Variants in DUSP5 observed in about 807,000 individuals in gnomAD.
DUSP5 encodes dual specificity phosphatase 5, also known as dual specificity protein phosphatase 5.
A neutral mutation model predicts 33.6 loss-of-function variants in DUSP5; 22 were observed. The observed-to-expected ratio is 0.66, with a 90% confidence interval of 0.47 to 0.94. DUSP5 has a LOEUF of 0.94. DUSP5 is among the 40% of genes least tolerant of loss of function. The probability of loss-of-function intolerance (pLI) is 0.00; values close to 1 mark genes in which losing one functional copy is unlikely to be tolerated. For synonymous variants in DUSP5, 270 were observed against 231.1 expected (o/e 1.17, Z -1.53); for missense variants, 551 against 522.1 (o/e 1.06, Z -0.54).
intron 2 of DUSP5, among the ~76,000 whole-genome samples, chr10:110,504,642 C>G (rs1860096878): frequency 6.6e-6 from 1 of 152,180 alleles, no homozygotes; most frequent in African/African-American, 2.4e-5. Flanking sequence ...CTTTGTACCA[C>G]CTCTGCTGTT....
Position 110,498,313 on chromosome 10 carries a change from C to A in DUSP5, c.192C>A (p.Tyr64Ter), listed in dbSNP as rs761226631. ...RARGGAVSAR[Y>*]VLPDEAARAR... ...GGGGCGGCGCGGTGTCGGCGCGCTA[C>A]GTGCTGCCCGACGAGGCGGCGCGCG... The change falls in exon 1 of 4, where the codon TAC (tyrosine) becomes TAA (stop). Residue 64 changes from tyrosine to a stop codon, truncating the protein, a stop_gained. Transcript: ENST00000369583. LOFTEE classifies it high-confidence loss of function. The A allele has an allele frequency of 7.2e-7, 1 of 1,389,090 alleles. No homozygotes were observed. Among genetic ancestry groups the A allele is most frequent in the Non-Finnish European group, 9.3e-7 (1 of 1,073,546 alleles). The allele number at this position is 1,389,090 out of a possible 1,614,324, so 86.0% of individuals were successfully genotyped here.
intron 3 of DUSP5, among the ~76,000 whole-genome samples, chr10:110,509,237 C>G (rs1417730610): frequency 6.6e-6 from 1 of 152,190 alleles, no homozygotes; most frequent in Admixed American, 6.5e-5. Context: ...GGGAGGCATC[C>G]TCCCCTTTTT....
chr10:110,508,990 A>G (rs1258747069), intron 3 of DUSP5, among the ~76,000 whole-genome samples: 1 of 152,160 alleles, frequency 6.6e-6, no homozygotes, highest in Non-Finnish European at 1.5e-5. Flanking sequence ...AAGGGGAATG[A>G]CTTTTTCTTT....
chr10:110,498,262 C>T lies in DUSP5; in HGVS notation c.141C>T (p.Leu47=), dbSNP rs1859985101. 1.2e-5 allele frequency: 18 copies of T among 1,498,148 alleles called. No individual in the cohort carries two copies. Among genetic ancestry groups the T allele is most frequent in the Non-Finnish European group, 1.4e-5 (16 of 1,121,420 alleles). 92.8% of individuals were successfully genotyped at this position (1,498,148 alleles called of 1,614,324 possible). A position where few individuals can be genotyped will look rare whatever the true frequency, so the allele number is the denominator to read the frequency against. ...TGCGCGGCTCGCTCAACGTCAACCTCAACTCGGTGGTGCTGCGGCGGGCCC... is the reference window on the plus strand; with the variant it reads ...TGCGCGGCTCGCTCAACGTCAACCTTAACTCGGTGGTGCTGCGGCGGGCCC... ...SNVRGSLNVN[L]NSVVLRRARG... The change falls in exon 1 of 4, where the codon CTC becomes CTT. Residue 47 remains leucine, a synonymous_variant. Transcript: ENST00000369583.
rs1859975955 is a variant in DUSP5, at chr10:110,497,969, GCGC to G, written c.-146_-144del. On this transcript the variant is annotated 5_prime_UTR_variant, in exon 1 of 4. Coordinates refer to ENST00000369583, the MANE Select transcript of DUSP5 (RefSeq NM_004419.4). ...GCGAGCGGGGCGGGAACGCGGAGTT[GCGC>G]CGCCGCTCGGGCGCCGGGCTCCGTC... 1 of 532,352 alleles carries G rather than the reference GCGC, an allele frequency of 1.9e-6. No homozygotes were observed. Among genetic ancestry groups the G allele is most frequent in the Non-Finnish European group, 2.4e-6 (1 of 416,432 alleles). 33.0% of individuals were successfully genotyped at this position (532,352 alleles called of 1,614,324 possible).
Position 110,498,291 on chromosome 10 carries a change from G to GCGGCGCGGTGT in DUSP5, c.178_188dup (p.Tyr64CysfsTer84). On this transcript the variant is annotated frameshift_variant, in exon 1 of 4. Transcript: ENST00000369583. LOFTEE classifies it high-confidence loss of function. ...TCGGTGGTGCTGCGGCGGGCCCGGG[G>GCGGCGCGGTGT]CGGCGCGGTGTCGGCGCGCTACGTG... The GCGGCGCGGTGT allele has an allele frequency of 2.1e-6, 3 of 1,446,108 alleles. No individual in the cohort carries two copies. The highest frequency in any genetic ancestry group is 9.1e-7 in the Non-Finnish European group (1 of 1,093,328). 89.6% of individuals were successfully genotyped at this position (1,446,108 alleles called of 1,614,324 possible). A position where few individuals can be genotyped will look rare whatever the true frequency, so the allele number is the denominator to read the frequency against.
chr10:110,507,440 G>A (rs573438770), intron 3 of DUSP5, among the ~76,000 whole-genome samples: 58 of 152,326 alleles, frequency 3.8e-4, no homozygotes, highest in African/African-American at 1.3e-3. Context: ...CAGGAGCTGA[G>A]TGTATCCCTG....
chr10:110,498,240 GC>G lies in DUSP5; in HGVS notation c.120del (p.Gly41AlafsTer103). 1 of 1,506,854 alleles carries G rather than the reference GC, an allele frequency of 6.6e-7. No homozygotes were observed. The allele number at this position is 1,506,854 out of a possible 1,614,324, so 93.3% of individuals were successfully genotyped here. A position where few individuals can be genotyped will look rare whatever the true frequency, so the allele number is the denominator to read the frequency against. On this transcript the variant is annotated frameshift_variant, in exon 1 of 4. Transcript: ENST00000369583. LOFTEE classifies it high-confidence loss of function. ...PYLAFAASNVRGSLNVNLNSV... is the reference protein window; with the variant it reads ...PYLAFAASNVXGSLNVNLNSV... Reference sequence around the variant, plus strand: ...CTGGCCTTCGCTGCCTCGAACGTGCGCGGCTCGCTCAACGTCAACCTCAACT... The same window carrying G: ...CTGGCCTTCGCTGCCTCGAACGTGCGGGCTCGCTCAACGTCAACCTCAACT...
Position 110,498,044 on chromosome 10 carries a change from AC to A in DUSP5, c.-75del, listed in dbSNP as rs1859977889. 2 of 1,052,486 alleles carry A rather than the reference AC, an allele frequency of 1.9e-6. No individual in the cohort carries two copies. 65.2% of individuals were successfully genotyped at this position (1,052,486 alleles called of 1,614,324 possible). On this transcript the variant is annotated 5_prime_UTR_variant, in exon 1 of 4. Coordinates refer to ENST00000369583, the MANE Select transcript of DUSP5 (RefSeq NM_004419.4). Reference sequence around the variant, plus strand: ...GCCCTCCCGTGCCTCGCCCGCGGACACCCTGGCCGTGGACACCCTGGCCGTG... The same window carrying A: ...GCCCTCCCGTGCCTCGCCCGCGGACACCTGGCCGTGGACACCCTGGCCGTG...
Position 110,498,401 on chromosome 10 carries a change from C to G in DUSP5, c.280C>G (p.Arg94Gly). Reference sequence around the variant, plus strand: ...CGTGGTGGTGCTGGACCAGGGCAGCCGCCACTGGCAGAAGCTGCGAGAGGA... The same window carrying G: ...CGTGGTGGTGCTGGACCAGGGCAGCGGCCACTGGCAGAAGCTGCGAGAGGA... ...AAVVVLDQGS[R>G]HWQKLREESA... The change falls in exon 1 of 4, where the codon CGC becomes GGC. Residue 94 changes from arginine (R) to glycine (G), a missense_variant. Around this residue, in one of 3 missense-constraint regions of DUSP5, gnomAD observed 381 missense variants for 310.4 expected, o/e 1.23. Coordinates refer to ENST00000369583, the MANE Select transcript of DUSP5 (RefSeq NM_004419.4). 5 of 1,514,676 alleles carry G rather than the reference C, an allele frequency of 3.3e-6. No individual in the cohort carries two copies. In the South Asian group the frequency reaches 6.1e-5, roughly 18 times the overall value. The allele number at this position is 1,514,676 out of a possible 1,614,324, so 93.8% of individuals were successfully genotyped here. A position where few individuals can be genotyped will look rare whatever the true frequency, so the allele number is the denominator to read the frequency against.
chr10:110,510,556 T>C lies in DUSP5; in HGVS notation c.*130T>C, dbSNP rs1860179441. The C allele has an allele frequency of 7.8e-7, 1 of 1,274,152 alleles. No individual in the cohort carries two copies. 78.9% of individuals were successfully genotyped at this position (1,274,152 alleles called of 1,614,324 possible). On this transcript the variant is annotated 3_prime_UTR_variant, in exon 4 of 4. Transcript: ENST00000369583. ...CATGCTGCCCCAGTGAGATAGTGAG[T>C]GGTCACCAGGCTTGCAAATGAACTT...
In DUSP5 at chr10:110,498,082, G is replaced by T. The variant is rs1183628006; in HGVS notation, c.-40G>T. The T allele has an allele frequency of 1.7e-6, 2 of 1,161,342 alleles. No individual in the cohort carries two copies. The highest frequency in any genetic ancestry group is 3.3e-5 in the African/African-American group (2 of 60,746). The allele number at this position is 1,161,342 out of a possible 1,614,324, so 71.9% of individuals were successfully genotyped here. On this transcript the variant is annotated 5_prime_UTR_variant, in exon 1 of 4. Coordinates refer to ENST00000369583, the MANE Select transcript of DUSP5 (RefSeq NM_004419.4). ...ACACCCTGGCCGTGGGCACCCGCGG[G>T]GCGCGCGGCGCGGGGCCGCTGGCCG... is the stretch of plus-strand genomic sequence containing the variant.
chr10:110,501,452 G>A (rs1371557599), intron 1 of DUSP5, among the ~76,000 whole-genome samples: 2 of 152,140 alleles, frequency 1.3e-5, no homozygotes, highest in Admixed American at 6.5e-5. Context: ...ATGGCAAGAT[G>A]ACTCATTCTA....
At chr10:110,505,624 T>C (rs1262190575) in intron 2 of DUSP5, among the ~76,000 whole-genome samples, 1 of 152,182 alleles carries the variant, frequency 6.6e-6, no homozygotes, top group Middle Eastern at 3.2e-3. Flanking sequence ...TCCGTTCTTA[T>C]TCCAGGGCAG....
At position 110,497,985 on chromosome 10, in the gene DUSP5, G is replaced by C. The variant is rs895457113; in HGVS notation, c.-137G>C. 1.4e-6 allele frequency: 1 copy of C among 691,954 alleles called. No individual in the cohort carries two copies. Among genetic ancestry groups the C allele is most frequent in the Non-Finnish European group, 1.8e-6 (1 of 562,438 alleles). The allele number at this position is 691,954 out of a possible 1,614,324, so 42.9% of individuals were successfully genotyped here. On this transcript the variant is annotated 5_prime_UTR_variant, in exon 1 of 4. Coordinates refer to ENST00000369583, the MANE Select transcript of DUSP5 (RefSeq NM_004419.4). The stretch of plus-strand genomic sequence containing the variant: ...CGCGGAGTTGCGCCGCCGCTCGGGC[G>C]CCGGGCTCCGTCGCGGCCGCAGCCC...
chr10:110,501,974 G>GA, intron 1 of DUSP5, among the ~76,000 whole-genome samples: 1 of 151,498 alleles, frequency 6.6e-6, no homozygotes, highest in East Asian at 1.9e-4. Context: ...TTGGGGGGGG[G>GA]GTGCAGGAGG....
chr10:110,510,446 G>C lies in DUSP5; in HGVS notation c.*20G>C. The C allele has an allele frequency of 1.3e-6, 2 of 1,543,504 alleles. No homozygotes were observed. Among genetic ancestry groups the C allele is most frequent in the East Asian group, 4.8e-5 (2 of 42,066 alleles). On this transcript the variant is annotated 3_prime_UTR_variant, in exon 4 of 4. Transcript: ENST00000369583. The stretch of plus-strand genomic sequence containing the variant: ...TGCTAAAACTGGGATGGAGGAATCG[G>C]CCCAGCCCCAAGAGCAACTGTGATT...
chr10:110,500,588 C>T (rs913757023), intron 1 of DUSP5, among the ~76,000 whole-genome samples: 6 of 152,166 alleles, frequency 3.9e-5, no homozygotes, highest in African/African-American at 1.2e-4. Context: ...CCCCTGTCTC[C>T]CAAACAACCA....
intron 3 of DUSP5, among the ~76,000 whole-genome samples, chr10:110,509,439 A>T (rs907128071): frequency 6.6e-6 from 1 of 152,208 alleles, no homozygotes. Context: ...GAGCTGAGCC[A>T]AGCATCCTGC....
Sources: allele counts gnomAD v4.1 joint callset (sites outside exome capture counted in the v4.1 genomes callset), GRCh38; gene constraint gnomAD v4.1.1; regional missense constraint gnomAD v4.1.1; transcripts MANE v1.5; gene names NCBI Gene and HGNC (gene_info 2026-07-23, HGNC 2026-07-21).